The following RRAGB variants were observed in gnomAD, a reference collection of about 807,000 sequenced individuals.
RRAGB encodes the protein Ras related GTP binding B.
A neutral mutation model predicts 29.3 loss-of-function variants in RRAGB; 6 were observed. The ratio of observed to expected loss-of-function variants is 0.21; its 90% confidence interval spans 0.11 to 0.40. The LOEUF (loss-of-function observed/expected upper bound fraction) is 0.40, where lower values mean the gene tolerates loss of function less well. Among genes scored for constraint, RRAGB ranks in the 10% least tolerant of loss-of-function variants. RRAGB has a pLI of 1.00. For synonymous variants in RRAGB, 101 were observed against 92.5 expected, an observed-to-expected ratio of 1.09 and a Z score of -0.53; for missense variants, 184 against 272.9, an observed-to-expected ratio of 0.67 and a Z score of 2.29.
chrX:55,754,365 A>G (rs993806183), intron 7 of RRAGB, among the ~76,000 whole-genome samples: 1 of 112,958 alleles, frequency 8.9e-6, no homozygotes, highest in Non-Finnish European at 1.9e-5. Context: ...GGATGCAAAA[A>G]CCAGTATTGT....
intron 5 of RRAGB, among the ~76,000 whole-genome samples, chrX:55,740,851 G>A (rs2034041320): frequency 1.8e-5 from 2 of 111,007 alleles, no homozygotes; most frequent in South Asian, 7.7e-4. Flanking sequence ...CAGTGACTAT[G>A]ACTTTTTTTG....
At chrX:55,748,919 C>T (rs1425097792) in intron 5 of RRAGB, among the ~76,000 whole-genome samples, 2 of 93,760 alleles carry the variant, frequency 2.1e-5, no homozygotes, top group Admixed American at 2.2e-4. Flanking sequence ...GTGGGGGGGT[C>T]AGCCCCCCGC....
At chrX:55,721,402 A>G (rs765235535) in intron 2 of RRAGB, among the ~76,000 whole-genome samples, 1 of 112,409 alleles carries the variant, frequency 8.9e-6, no homozygotes, top group African/African-American at 3.2e-5. Context: ...TACTGAACCA[A>G]GTCTTGAAGG....
rs1187883820 is a variant in RRAGB, at chrX:55,755,952, T to C, written c.827+20T>C. The C allele has an allele frequency of 1.9e-6, 2 of 1,073,566 alleles. No individual in the cohort carries two copies. The highest frequency in any genetic ancestry group is 2.3e-5 in the Admixed American group (1 of 44,358). The allele number at this position is 1,073,566 out of a possible 1,213,427, so 88.5% of individuals were successfully genotyped here. A position where few individuals can be genotyped will look rare whatever the true frequency, so the allele number is the denominator to read the frequency against. The stretch of plus-strand genomic sequence containing the variant: ...CTGCAGGTAAGAGATCTAGTAGGAA[T>C]GATCTGTTTATCTCTTGAAAAAATT... On this transcript the variant is annotated intron_variant, in intron 8 of 9. Transcript: ENST00000374941.
intron 3 of RRAGB, among the ~76,000 whole-genome samples, chrX:55,727,642 C>T (rs1310790938): frequency 9.0e-6 from 1 of 111,569 alleles, no homozygotes; most frequent in Non-Finnish European, 1.9e-5. Context: ...AAGATTTGTT[C>T]GATTCCAAAG....
intron 3 of RRAGB, among the ~76,000 whole-genome samples, chrX:55,724,637 CTT>C (rs2146745001): frequency 9.1e-6 from 1 of 110,261 alleles, no homozygotes; most frequent in East Asian, 2.9e-4. Flanking sequence ...TAGATTAAAA[CTT>C]TTTTTTTCTT....
rs767160176 is a variant in RRAGB, at chrX:55,756,685, A to T, written c.828-531A>T. On this transcript the variant is annotated intron_variant, in intron 8 of 9. Transcript: ENST00000374941. ...TAACTGAAAAGTTATATTAATCTCA[A>T]TGATAAGGAAATTTCAACTTAAGAT... 8.0e-5 allele frequency among the ~76,000 whole-genome samples: 9 copies of T among 112,851 alleles called. No homozygotes were observed. In the South Asian group the frequency reaches 3.2e-3, roughly 41 times the overall value.
intron 5 of RRAGB, among the ~76,000 whole-genome samples, chrX:55,749,603 G>T (rs1269419920): frequency 1.8e-5 from 2 of 110,985 alleles, no homozygotes; most frequent in African/African-American, 3.2e-5. Context: ...GGGGTGAAAG[G>T]TGGGGAAAAG....
chrX:55,748,864 G>A (rs1463634739), intron 5 of RRAGB, among the ~76,000 whole-genome samples: 5 of 105,122 alleles, frequency 4.8e-5, no homozygotes, highest in African/African-American at 1.7e-4. Flanking sequence ...CCACTGGGAA[G>A]TGAGGAGCCC....
intron 2 of RRAGB, 39 bp from the exon 3 acceptor site, chrX:55,722,147 C>A (rs773163780): frequency 2.2e-6 from 2 of 893,635 alleles, no homozygotes; most frequent in African/African-American, 3.9e-5. Flanking sequence ...CTCTAGATTG[C>A]TAACTTTTTT....
intron 5 of RRAGB, among the ~76,000 whole-genome samples, chrX:55,742,432 TAA>T (rs1000922965): frequency 7.1e-5 from 8 of 112,690 alleles, no homozygotes; most frequent in Non-Finnish European, 1.5e-4. Context: ...ATGGTATTAC[TAA>T]GAGACATCCT....
At chrX:55,731,727 TTAAC>T (rs1247970598) in intron 5 of RRAGB, 141 bp downstream of exon 5, 5 of 427,891 alleles carry the variant, frequency 1.2e-5, no homozygotes, top group African/African-American at 4.9e-5. Flanking sequence ...GTCATTTACT[TTAAC>T]TAAACACTCT....
Position 55,718,377 on chromosome X carries a change from C to G in RRAGB, c.50C>G (p.Pro17Arg). 8.3e-7 allele frequency: 1 copy of G among 1,204,284 alleles called. No individual in the cohort carries two copies. The highest frequency in any genetic ancestry group is 1.1e-6 in the Non-Finnish European group (1 of 891,397). The stretch of plus-strand genomic sequence containing the variant: ...ACGACGGAGAAAGAAAATCTGGGGC[C>G]GAGAATGGATCCACCACTAGGGGAA... ...EKTTEKENLG[P>R]RMDPPLGEPE... The change falls in exon 1 of 10, where the codon CCG becomes CGG. Residue 17 changes from proline (P) to arginine (R), a missense_variant. Transcript: ENST00000374941.
intron 5 of RRAGB, among the ~76,000 whole-genome samples, chrX:55,733,321 A>G (rs2033747877): frequency 8.9e-6 from 1 of 112,219 alleles, no homozygotes; most frequent in Admixed American, 9.4e-5. Context: ...TACTCTGGCT[A>G]GGACTTCTAG....
intron 5 of RRAGB, among the ~76,000 whole-genome samples, chrX:55,747,295 T>C (rs1296178346): frequency 8.9e-6 from 1 of 112,667 alleles, no homozygotes; most frequent in African/African-American, 3.2e-5. Context: ...AGAATCCTAC[T>C]TCTTCTTGGC....
At chrX:55,724,126 A>G (rs191442013) in intron 3 of RRAGB, among the ~76,000 whole-genome samples, 1 of 112,087 alleles carries the variant, frequency 8.9e-6, no homozygotes, top group African/African-American at 3.2e-5. Flanking sequence ...GAGACTTACT[A>G]AAAAACTCTT....
At chrX:55,757,052 G>A (rs766342214) in intron 8 of RRAGB, among the ~76,000 whole-genome samples, 164 bp from the exon 9 acceptor site, 15 of 112,270 alleles carry the variant, frequency 1.3e-4, no homozygotes, top group Non-Finnish European at 2.3e-4. Flanking sequence ...TTCAGTATAA[G>A]AGTTTCCTTG....
At position 55,746,752 on chromosome X, in the gene RRAGB, G is replaced by A. The variant is rs140381470; in HGVS notation, c.517-4349G>A. Among the ~76,000 whole-genome samples, 540 of 111,345 alleles carry A rather than the reference G, an allele frequency of 4.8e-3. 3 individuals carry two copies. The highest frequency in any genetic ancestry group is 0.017 in the African/African-American group (510 of 30,602). On this transcript the variant is annotated intron_variant, in intron 5 of 9. Coordinates refer to ENST00000374941, the MANE Select transcript of RRAGB (RefSeq NM_006064.5). ...AGTTCTGGCATTTCAACTTCATGTC[G>A]TTTAGGCCACCTTTTGGTCCATGTT...
intron 4 of RRAGB, among the ~76,000 whole-genome samples, chrX:55,729,780 T>C (rs899703256): frequency 1.8e-5 from 2 of 112,362 alleles, no homozygotes; most frequent in African/African-American, 6.5e-5. Flanking sequence ...ATTCTCTAGC[T>C]AAGTTACCTA....
Sources: gnomAD v4.1 joint callset for allele counts (sites outside exome capture counted in the v4.1 genomes callset) on GRCh38, gnomAD v4.1.1 for gene constraint, MANE v1.5 for transcripts, NCBI Gene and HGNC (gene_info 2026-07-23, HGNC 2026-07-21) for gene names.